The following PRKCH variants were observed in gnomAD, a reference collection of about 807,000 sequenced individuals.
PRKCH encodes protein kinase C eta, also known as protein kinase C eta type.
In PRKCH, 28 loss-of-function variants were observed where a neutral mutation model predicts 82.5. That is an observed-to-expected ratio of 0.34 (90% CI 0.25 to 0.47). The LOEUF is 0.47. PRKCH is among the 20% of genes least tolerant of loss of function. The probability of loss-of-function intolerance (pLI) is 1.00; values close to 1 mark genes in which losing one functional copy is unlikely to be tolerated. For missense variants in PRKCH, 705 were observed against 881.8 expected (o/e 0.80, Z 2.54); for synonymous variants, 322 against 327.4 (o/e 0.98, Z 0.18).
At chr14:61,521,652 T>G (rs922711401) in intron 10 of PRKCH, among the ~76,000 whole-genome samples, 4 of 152,038 alleles carry the variant, frequency 2.6e-5, no homozygotes, top group African/African-American at 4.8e-5. Flanking sequence ...ACTGCAGCCT[T>G]GACCTCCCAG....
At chr14:61,517,030 G>A (rs1414328252) in intron 10 of PRKCH, among the ~76,000 whole-genome samples, 1 of 152,086 alleles carries the variant, frequency 6.6e-6, no homozygotes. Context: ...TCTCTAATGG[G>A]GATAGCAGGG....
chr14:61,277,046 C>T (rs142705921), intron 1 of PRKCH, among the ~76,000 whole-genome samples: 1,576 of 152,022 alleles, frequency 0.01, 84 homozygotes, highest in Admixed American at 0.092. Flanking sequence ...ATTAGCTGGG[C>T]GTGGTGGTGT....
At chr14:61,527,725 G>T (rs879303870) in intron 10 of PRKCH, among the ~76,000 whole-genome samples, 1 of 152,084 alleles carries the variant, frequency 6.6e-6, no homozygotes, top group Non-Finnish European at 1.5e-5. Context: ...TTCCTCTGTA[G>T]CCCTGAGATT....
chr14:61,547,712 ATGAT>A lies in PRKCH; in HGVS notation c.1762-27_1762-24del, dbSNP rs774996203. On this transcript the variant is annotated intron_variant, in intron 12 of 13. Coordinates refer to ENST00000332981, the MANE Select transcript of PRKCH (RefSeq NM_006255.5). ...TGACGTGCTGGTTGTATGTGAATGAATGATTGACACTTTCTCTCTCTCTCACTCA... is the reference window on the plus strand; with the variant it reads ...TGACGTGCTGGTTGTATGTGAATGAATGACACTTTCTCTCTCTCTCACTCA... 14 of 1,602,664 alleles carry A rather than the reference ATGAT, an allele frequency of 8.7e-6. No individual in the cohort carries two copies. The African/African-American group carries it at 1.7e-4, about 20-fold the overall frequency.
chr14:61,385,258 C>T (rs1039872276), intron 1 of PRKCH, among the ~76,000 whole-genome samples: 3 of 152,140 alleles, frequency 2.0e-5, no homozygotes, highest in Non-Finnish European at 4.4e-5. Context: ...ACATAGGTAG[C>T]CTGAGGCCCT....
chr14:61,510,006 A>G (rs904209477), intron 10 of PRKCH, among the ~76,000 whole-genome samples: 2 of 152,144 alleles, frequency 1.3e-5, no homozygotes, highest in African/African-American at 2.4e-5. Context: ...CTGATATGCA[A>G]GTTTTCCATT....
intron 2 of PRKCH, among the ~76,000 whole-genome samples, chr14:61,422,962 A>G (rs1334380893): frequency 6.6e-6 from 1 of 152,212 alleles, no homozygotes; most frequent in African/African-American, 2.4e-5. Flanking sequence ...TGTCATTCAA[A>G]TATCCATATT....
In PRKCH at chr14:61,482,161, A is replaced by G. The variant is rs999079036; in HGVS notation, c.1279-3341A>G. On this transcript the variant is annotated intron_variant, in intron 9 of 13. Transcript: ENST00000332981. ...AGGTGCATGCCACCATGCCCAGCTA[A>G]TTTTCTTGTACTTTTAGTAGAGACG... is the stretch of plus-strand genomic sequence containing the variant. Among the ~76,000 whole-genome samples the G allele has an allele frequency of 4.0e-5, 6 of 151,628 alleles. No homozygotes were observed. The East Asian group carries it at 1.2e-3, about 29-fold the overall frequency.
At chr14:61,409,865 C>G (rs1486819712) in intron 2 of PRKCH, among the ~76,000 whole-genome samples, 1 of 152,156 alleles carries the variant, frequency 6.6e-6, no homozygotes, top group Non-Finnish European at 1.5e-5. Flanking sequence ...TGTACATTGT[C>G]AGGCAGCATT....
chr14:61,517,219 T>G (rs1451251004), intron 10 of PRKCH, among the ~76,000 whole-genome samples: 1 of 151,956 alleles, frequency 6.6e-6, no homozygotes, highest in Non-Finnish European at 1.5e-5. Flanking sequence ...TTTCCTGTCG[T>G]AAAGCATTCC....
intron 2 of PRKCH, among the ~76,000 whole-genome samples, chr14:61,394,302 G>C (rs143712852): frequency 6.6e-6 from 1 of 152,122 alleles, no homozygotes; most frequent in African/African-American, 2.4e-5. Flanking sequence ...ATTTGGGGGG[G>C]TGTTCTGCCT....
chr14:61,479,389 T>TAC (rs1816787483), intron 9 of PRKCH, among the ~76,000 whole-genome samples: 1 of 152,154 alleles, frequency 6.6e-6, no homozygotes, highest in South Asian at 2.1e-4. Context: ...GCTGAGCGTT[T>TAC]ACCCATGCGG....
At chr14:61,418,792 T>G (rs1882688859) in intron 2 of PRKCH, among the ~76,000 whole-genome samples, 1 of 152,196 alleles carries the variant, frequency 6.6e-6, no homozygotes, top group Non-Finnish European at 1.5e-5. Flanking sequence ...CCATTTTCCA[T>G]CCTGGGAATT....
chr14:61,257,404 G>T (rs1418712322), intron 1 of PRKCH, among the ~76,000 whole-genome samples: 4 of 151,976 alleles, frequency 2.6e-5, no homozygotes, highest in Non-Finnish European at 5.9e-5. Flanking sequence ...TGCACAGTGG[G>T]CATGGCATAT....
intron 1 of PRKCH, among the ~76,000 whole-genome samples, chr14:61,245,976 G>C (rs1027057629): frequency 4.6e-5 from 7 of 152,202 alleles, no homozygotes; most frequent in African/African-American, 1.7e-4. Flanking sequence ...AATGATCAGT[G>C]ATGTGAGGGA....
At chr14:61,272,155 G>A (rs2045159740) in intron 1 of PRKCH, among the ~76,000 whole-genome samples, 1 of 151,738 alleles carries the variant, frequency 6.6e-6, no homozygotes, top group Non-Finnish European at 1.5e-5. Flanking sequence ...GTGAACCCGG[G>A]GGGCGGAGCT....
chr14:61,505,557 T>C (rs749982934), intron 10 of PRKCH, among the ~76,000 whole-genome samples: 13 of 151,804 alleles, frequency 8.6e-5, no homozygotes, highest in Non-Finnish European at 1.9e-4. Context: ...GTATTTTTAG[T>C]AGAGATGGGG....
Position 61,383,631 on chromosome 14 carries a change from G to C in PRKCH, c.364-7594G>C, listed in dbSNP as rs574342817. ...ACCTGTAGCCCTAGGAGCTCCTCTG[G>C]GGAGTCTTGAGTACCTTGCAGTTGT... On this transcript the variant is annotated intron_variant, in intron 1 of 13. Transcript: ENST00000332981. Among the ~76,000 whole-genome samples the C allele has an allele frequency of 4.6e-5, 7 of 151,958 alleles. No homozygotes were observed. The South Asian group carries it at 1.5e-3, about 32-fold the overall frequency.
intron 1 of PRKCH, among the ~76,000 whole-genome samples, chr14:61,260,878 A>T (rs190396450): frequency 1.3e-5 from 2 of 152,230 alleles, no homozygotes; most frequent in Non-Finnish European, 2.9e-5. Context: ...GTACCCAAAC[A>T]ACTTCTGGTA....
Sources: allele counts gnomAD v4.1 joint callset (sites outside exome capture counted in the v4.1 genomes callset), GRCh38; gene constraint gnomAD v4.1.1; transcripts MANE v1.5; gene names NCBI Gene and HGNC (gene_info 2026-07-23, HGNC 2026-07-21).